Variants in POC1A observed in about 807,000 individuals in gnomAD.
POC1A encodes the protein POC1 centriolar protein homolog A.
A neutral mutation model predicts 47.8 loss-of-function variants in POC1A; 34 were observed. The observed-to-expected ratio is 0.71, with a 90% CI of 0.54 to 0.95. The LOEUF is 0.95. Among genes scored for constraint, POC1A ranks in the 40% least tolerant of loss-of-function variants. The pLI is 0.00. For missense variants in POC1A, 466 were observed against 528.3 expected (o/e 0.88, Z 1.16); for synonymous variants, 177 against 207.6 (o/e 0.85, Z 1.27).
chr3:52,125,521 A>G (rs1056041238), intron 7 of POC1A, among the ~76,000 whole-genome samples: 20 of 152,130 alleles, frequency 1.3e-4, no homozygotes, highest in African/African-American at 4.6e-4. Flanking sequence ...CAGGTCAGAG[A>G]GATGCACTGA....
At chr3:52,150,529 ACC>A (rs1228741564) in intron 2 of POC1A, among the ~76,000 whole-genome samples, 2 of 151,962 alleles carry the variant, frequency 1.3e-5, no homozygotes, top group African/African-American at 4.8e-5. Flanking sequence ...TGTGTACGAA[ACC>A]TCATGCAACC....
chr3:52,085,838 A>G (rs1702441317), intron 10 of POC1A, among the ~76,000 whole-genome samples: 1 of 152,220 alleles, frequency 6.6e-6, no homozygotes, highest in Non-Finnish European at 1.5e-5. Flanking sequence ...GCTAATATGC[A>G]TGTAGAACTT....
At chr3:52,146,227 T>G (rs1405412765) in intron 5 of POC1A, among the ~76,000 whole-genome samples, 3 of 152,254 alleles carry the variant, frequency 2.0e-5, no homozygotes, top group Non-Finnish European at 4.4e-5. Flanking sequence ...TTGAGAGAGC[T>G]ATCTTCAAAC....
In POC1A at chr3:52,137,053, C is replaced by T. The variant is rs1704497668; in HGVS notation, c.813+1116G>A. Among the ~76,000 whole-genome samples the T allele has an allele frequency of 1.3e-5, 2 of 152,130 alleles. 1 individual carries two copies. The highest frequency in any genetic ancestry group is 4.1e-4 in the South Asian group (2 of 4,830). On this transcript the variant is annotated intron_variant, in intron 7 of 10. Transcript: ENST00000296484. ...TCTGTATAACTTGCTTGTCCAGGGG[C>T]TTGGCTTGTGAACAGGCTTACACCA...
chr3:52,116,986 G>A lies in POC1A; in HGVS notation c.981+5393C>T, dbSNP rs144394310. 7.0e-3 allele frequency among the ~76,000 whole-genome samples: 1,065 copies of A among 152,186 alleles called. 11 individuals carry two copies. Among genetic ancestry groups the A allele is most frequent in the African/African-American group, 0.024 (1,008 of 41,506 alleles). ...GTGGATCACCTGAGCTCTCGAGTTC[G>A]AGACCAGCCTGGCCAACATGGTGAA... is the stretch of plus-strand genomic sequence containing the variant. On this transcript the variant is annotated intron_variant, in intron 9 of 10. Coordinates refer to ENST00000296484, the MANE Select transcript of POC1A (RefSeq NM_015426.5).
intron 9 of POC1A, among the ~76,000 whole-genome samples, chr3:52,120,333 T>C (rs1703731719): frequency 6.6e-6 from 1 of 152,162 alleles, no homozygotes; most frequent in Non-Finnish European, 1.5e-5. Context: ...AGTCCTCAGA[T>C]TAGAGAAGTC....
At chr3:52,129,475 C>T (rs1040941232) in intron 7 of POC1A, among the ~76,000 whole-genome samples, 18 of 152,168 alleles carry the variant, frequency 1.2e-4, no homozygotes, top group Admixed American at 5.2e-4. Flanking sequence ...CAAGTCCATC[C>T]TCTCCAAAGG....
At chr3:52,149,690 C>T in intron 3 of POC1A, 126 bp downstream of exon 3, 1 of 929,830 alleles carries the variant, frequency 1.1e-6, no homozygotes, top group Non-Finnish European at 1.6e-6. Context: ...CTGATGGCAC[C>T]TCTTCCAAAG....
chr3:52,079,323 C>T lies in POC1A; in HGVS notation c.1126-3338G>A, dbSNP rs1037381349. Among the ~76,000 whole-genome samples the T allele has an allele frequency of 3.9e-5, 6 of 152,226 alleles. No individual in the cohort carries two copies. The highest frequency in any genetic ancestry group is 7.2e-5 in the African/African-American group (3 of 41,458). On this transcript the variant is annotated intron_variant, in intron 10 of 10. Transcript: ENST00000296484. The surrounding 1 kb of genome is among the most constrained non-coding windows in gnomAD (Gnocchi z 4.6). ...CCAGCCAAGCAGGCTGCTCTCGTCG[C>T]CTCATGCTCCGTCCAGCCCGGGAAT... is the stretch of plus-strand genomic sequence containing the variant.
intron 7 of POC1A, among the ~76,000 whole-genome samples, chr3:52,132,099 C>CCGG (rs376842742): frequency 2.6e-5 from 4 of 152,282 alleles, no homozygotes; most frequent in African/African-American, 9.6e-5. Flanking sequence ...CCTACTGTGT[C>CCGG]CGGTGCTGGG....
chr3:52,108,794 T>C (rs1473929889), intron 9 of POC1A, among the ~76,000 whole-genome samples: 1 of 152,084 alleles, frequency 6.6e-6, no homozygotes, highest in Admixed American at 6.5e-5. Flanking sequence ...TCAAACAGCC[T>C]CTCCTTTCCT....
chr3:52,146,959 C>T, intron 5 of POC1A, 29 bp downstream of exon 5: 2 of 1,570,372 alleles, frequency 1.3e-6, no homozygotes, highest in South Asian at 2.2e-5. Flanking sequence ...TGAGCGCCTA[C>T]AGGTGGAGGA....
At chr3:52,111,915 C>G (rs377249158) in intron 9 of POC1A, among the ~76,000 whole-genome samples, 1 of 152,244 alleles carries the variant, frequency 6.6e-6, no homozygotes, top group East Asian at 1.9e-4. Context: ...CTGGAGAACA[C>G]AGATTCAAGA....
At chr3:52,102,495 T>C (rs1040420341) in intron 9 of POC1A, among the ~76,000 whole-genome samples, 2 of 152,226 alleles carry the variant, frequency 1.3e-5, no homozygotes, top group African/African-American at 4.8e-5. Context: ...GGCTCTCTTC[T>C]GTGTGGCTCT....
intron 9 of POC1A, among the ~76,000 whole-genome samples, chr3:52,116,029 T>C (rs1703550534): frequency 1.3e-5 from 2 of 152,104 alleles, no homozygotes; most frequent in African/African-American, 4.8e-5. Context: ...ACAAATAATT[T>C]TAAAAAATCT....
intron 10 of POC1A, among the ~76,000 whole-genome samples, chr3:52,092,668 C>G (rs538853669): frequency 6.6e-6 from 1 of 152,176 alleles, no homozygotes. Flanking sequence ...AAAACAACTA[C>G]GTGGGGAGGC....
At chr3:52,132,542 T>C (rs906085327) in intron 7 of POC1A, among the ~76,000 whole-genome samples, 2 of 151,952 alleles carry the variant, frequency 1.3e-5, no homozygotes, top group African/African-American at 2.4e-5. Context: ...CAATGCACCA[T>C]AACCTGCAGG....
intron 6 of POC1A, among the ~76,000 whole-genome samples, chr3:52,140,476 G>A (rs945265739): frequency 2.0e-5 from 3 of 152,186 alleles, no homozygotes; most frequent in Non-Finnish European, 4.4e-5. Flanking sequence ...CATGCTCAGG[G>A]AGCTCTGGGC....
In POC1A at chr3:52,145,840, A is replaced by AC. The variant is rs1698343211; in HGVS notation, c.679+5dup. 5.0e-6 allele frequency: 8 copies of AC among 1,596,158 alleles called. No homozygotes were observed. Among genetic ancestry groups the AC allele is most frequent in the Non-Finnish European group, 6.9e-6 (8 of 1,164,296 alleles). ...CCTTGGGCCCAGGAGGCTGTTCACC[A>AC]CTCACACTGATAATGCTGCAGCAGC... On this transcript the variant is annotated splice_donor_region_variant and intron_variant, in intron 6 of 10. Transcript: ENST00000296484.
Sources: allele counts gnomAD v4.1 joint callset (sites outside exome capture counted in the v4.1 genomes callset), GRCh38; gene constraint gnomAD v4.1.1; non-coding constraint Gnocchi (gnomAD v3.1); transcripts MANE v1.5; gene names NCBI Gene and HGNC (gene_info 2026-07-23, HGNC 2026-07-21).